Variants in ANO9 observed in about 807,000 individuals in gnomAD.
ANO9 encodes the protein anoctamin 9, also known as anoctamin-9.
A neutral mutation model predicts 100.5 loss-of-function variants in ANO9; 80 were observed. The ratio of observed to expected loss-of-function variants is 0.80; its 90% CI spans 0.66 to 0.96. The LOEUF (loss-of-function observed/expected upper bound fraction) is 0.96, where lower values mean the gene tolerates loss of function less well. Among genes scored for constraint, ANO9 ranks in the 40% least tolerant of loss-of-function variants. ANO9 has a pLI of 0.00. For synonymous variants in ANO9, 473 were observed against 435.6 expected (o/e 1.09, Z -1.07); for missense variants, 1,064 against 1,072.7 (o/e 0.99, Z 0.11).
Position 418,636 on chromosome 11 carries a change from C to T in ANO9, c.2131-47G>A, listed in dbSNP as rs751365011. 6 of 1,610,842 alleles carry T rather than the reference C, an allele frequency of 3.7e-6. No homozygotes were observed. In the Admixed American group the frequency reaches 1.0e-4, roughly 27 times the overall value. On this transcript the variant is annotated intron_variant, in intron 22 of 22. Transcript: ENST00000332826. ...CCCAGCACGGTCAGGTGCCAGCTGG[C>T]ATTTGGGGGTTCAGGGCCGGGGAGA...
intron 20 of ANO9, chr11:419,355 G>A: frequency 1.4e-6 from 2 of 1,415,834 alleles, no homozygotes; most frequent in African/African-American, 1.4e-5. Flanking sequence ...CCAGGTCTGG[G>A]AACTTCACCC....
Position 421,318 on chromosome 11 carries a change from G to C in ANO9, c.1335-120C>G, listed in dbSNP as rs1848169236. ...AACAGGCGGGGCAGGCCCTGCAGGT[G>C]AGCGGGGCACAGGTGCTCACACCCA... On this transcript the variant is annotated intron_variant, in intron 15 of 22. Coordinates refer to ENST00000332826, the MANE Select transcript of ANO9 (RefSeq NM_001012302.3). The surrounding 1 kb of genome is among the most constrained non-coding windows in gnomAD (Gnocchi z 6.8). 1 of 1,081,366 alleles carries C rather than the reference G, an allele frequency of 9.2e-7. No individual in the cohort carries two copies. Among genetic ancestry groups the C allele is most frequent in the African/African-American group, 1.6e-5 (1 of 62,612 alleles). The allele number at this position is 1,081,366 out of a possible 1,614,324, so 67.0% of individuals were successfully genotyped here.
chr11:433,779 C>G (rs1374773238), intron 3 of ANO9, 36 bp downstream of exon 3: 1 of 1,541,034 alleles, frequency 6.5e-7, no homozygotes, highest in East Asian at 2.4e-5. Context: ...CCCGCCCCGG[C>G]CCCATGGCCC....
intron 1 of ANO9, among the ~76,000 whole-genome samples, chr11:436,194 C>T (rs1041060440): frequency 6.6e-6 from 1 of 151,552 alleles, no homozygotes. Flanking sequence ...CAGCCTCCCG[C>T]GTAGCTGGGA....
rs775763071 is a variant in ANO9 at position 418,308 on chromosome 11, T to C, written c.*63A>G. 7.5e-5 allele frequency: 108 copies of C among 1,449,278 alleles called. No homozygotes were observed. The highest frequency in any genetic ancestry group is 9.9e-5 in the Non-Finnish European group (107 of 1,082,486). The allele number at this position is 1,449,278 out of a possible 1,614,324, so 89.8% of individuals were successfully genotyped here. ...CCCCTCAACACGCACAGCGGTGGGC[T>C]TGTGGGAGGTGCTGGTGGTGGCACT... On this transcript the variant is annotated 3_prime_UTR_variant, in exon 23 of 23. Coordinates refer to ENST00000332826, the MANE Select transcript of ANO9 (RefSeq NM_001012302.3).
intron 15 of ANO9, among the ~76,000 whole-genome samples, chr11:424,671 TA>T (rs142272556): frequency 2.1e-3 from 319 of 151,822 alleles, no homozygotes; most frequent in African/African-American, 7.3e-3. Flanking sequence ...GAATAACGAT[TA>T]AAAAACAAAA....
Position 432,132 on chromosome 11 carries a change from G to A in ANO9, c.351-78C>T. 1 of 1,508,070 alleles carries A rather than the reference G, an allele frequency of 6.6e-7. No individual in the cohort carries two copies. Among genetic ancestry groups the A allele is most frequent in the Non-Finnish European group, 9.1e-7 (1 of 1,099,230 alleles). The allele number at this position is 1,508,070 out of a possible 1,614,324, so 93.4% of individuals were successfully genotyped here. A position where few individuals can be genotyped will look rare whatever the true frequency, so the allele number is the denominator to read the frequency against. On this transcript the variant is annotated intron_variant, in intron 4 of 22. Transcript: ENST00000332826. The surrounding 1 kb of genome is among the most constrained non-coding windows in gnomAD (Gnocchi z 4.8). The stretch of plus-strand genomic sequence containing the variant: ...AGGTCTCAACCTGCCCTCTGGTCTG[G>A]CCAGGCCCAGGCCCCTCCCTGTCCT...
chr11:433,141 A>C, intron 4 of ANO9, 173 bp downstream of exon 4: 6 of 803,752 alleles, frequency 7.5e-6, no homozygotes, highest in Non-Finnish European at 9.3e-6. Flanking sequence ...GGGATGGGGA[A>C]GCTGAGGCTC....
chr11:420,363 C>T (rs1046054551), intron 19 of ANO9, 100 bp downstream of exon 19: 12 of 1,519,850 alleles, frequency 7.9e-6, no homozygotes, highest in East Asian at 2.5e-5. Context: ...GCCTGAGATC[C>T]GAGAGATTAT....
intron 15 of ANO9, among the ~76,000 whole-genome samples, chr11:425,070 CGGG>C (rs1848421243): frequency 4.4e-5 from 2 of 44,964 alleles, no homozygotes; most frequent in Non-Finnish European, 7.9e-5. Flanking sequence ...CGTGGAGAGA[CGGG>C]ACGCGCGGGA....
rs1410034568 is a variant in ANO9 at position 422,201 on chromosome 11, C to T, written c.1335-1003G>A. ...TGAAACTCACAAGGCATCTGTGGGG[C>T]CTAAATGAAGAAAACTATAAAACTA... On this transcript the variant is annotated intron_variant, in intron 15 of 22. Coordinates refer to ENST00000332826, the MANE Select transcript of ANO9 (RefSeq NM_001012302.3). The surrounding 1 kb of genome is among the most constrained non-coding windows in gnomAD (Gnocchi z 4.3). Among the ~76,000 whole-genome samples the T allele has an allele frequency of 1.3e-5, 2 of 152,116 alleles. No individual in the cohort carries two copies. The highest frequency in any genetic ancestry group is 4.8e-5 in the African/African-American group (2 of 41,390).
At chr11:441,257 G>T (rs1217857408) in intron 1 of ANO9, among the ~76,000 whole-genome samples, 1 of 152,180 alleles carries the variant, frequency 6.6e-6, no homozygotes, top group African/African-American at 2.4e-5. Context: ...CCAGGTGTTG[G>T]CCCTGGCCCC....
At chr11:419,215 G>T in intron 20 of ANO9, 1 of 1,429,004 alleles carries the variant, frequency 7.0e-7, no homozygotes, top group Non-Finnish European at 9.1e-7. Flanking sequence ...CCCTGCCAGA[G>T]ACTGGCCCTG....
Position 432,571 on chromosome 11 carries a change from T to TCCCA in ANO9, c.351-518_351-517insTGGG. 1.2e-5 allele frequency: 2 copies of TCCCA among 161,632 alleles called. No homozygotes were observed. Among genetic ancestry groups the TCCCA allele is most frequent in the Non-Finnish European group, 2.7e-5 (2 of 73,780 alleles). The allele number at this position is 161,632 out of a possible 1,614,324, so 10.0% of individuals were successfully genotyped here. On this transcript the variant is annotated intron_variant, in intron 4 of 22. Coordinates refer to ENST00000332826, the MANE Select transcript of ANO9 (RefSeq NM_001012302.3). The surrounding 1 kb of genome is among the most constrained non-coding windows in gnomAD (Gnocchi z 4.8). ...CAGCCTCCCCCTGTGCCTACAGACA[T>TCCCA]GGCTCCTGGACACCCCAGGGCACGT...
In ANO9 at chr11:428,396, T is replaced by G. The variant is rs202247563; in HGVS notation, c.1186-2A>C. 2 of 1,612,580 alleles carry G rather than the reference T, an allele frequency of 1.2e-6. No homozygotes were observed. Among genetic ancestry groups the G allele is most frequent in the Non-Finnish European group, 1.7e-6 (2 of 1,179,950 alleles). On this transcript the variant is annotated splice_acceptor_variant, in intron 13 of 22. Transcript: ENST00000332826. LOFTEE classifies it high-confidence loss of function. ...CTTCAGGGCCACGCACCTGTTGATCTGCGGAGGAGGGCACCGAATGGGCTC... is the reference window on the plus strand; with the variant it reads ...CTTCAGGGCCACGCACCTGTTGATCGGCGGAGGAGGGCACCGAATGGGCTC...
rs189084474 is a variant in ANO9 at position 422,912 on chromosome 11, C to T, written c.1335-1714G>A. Among the ~76,000 whole-genome samples the T allele has an allele frequency of 1.4e-4, 21 of 151,986 alleles. No individual in the cohort carries two copies. Among genetic ancestry groups the T allele is most frequent in the African/African-American group, 4.6e-4 (19 of 41,414 alleles). On this transcript the variant is annotated intron_variant, in intron 15 of 22. Transcript: ENST00000332826. This position sits in a 1 kb window ranked among gnomAD's most constrained non-coding sequence, Gnocchi z 4.3. ...TGGCATGATCTTGGCTCACTACAAC[C>T]TCCACCTTCCGGGTTTAAGTGATTC...
chr11:437,059 T>TGCGTG (rs1564936314), intron 1 of ANO9, among the ~76,000 whole-genome samples: 2 of 64,452 alleles, frequency 3.1e-5, no homozygotes, highest in Non-Finnish European at 2.8e-5. Flanking sequence ...GGGGGTGAGC[T>TGCGTG]GGGGGTGAAT....
rs1277748276 is a variant in ANO9 at position 433,930 on chromosome 11, G to A, written c.89C>T (p.Ala30Val). ...LMEISTCETE[A>V]SEQWDYVLVA... ...GAGGACATAGTCCCACTGCTCGGAG[G>A]CCTCGGTCTGCAGGGAGGAGGCATG... Residue 30 changes from alanine to valine, a missense_variant, in exon 3 of 23, where the codon GCC (alanine) becomes GTC (valine). Ala to Val is a moderately conservative substitution (Grantham distance 64, BLOSUM62 0). Coordinates refer to ENST00000332826, the MANE Select transcript of ANO9 (RefSeq NM_001012302.3). The A allele has an allele frequency of 3.8e-6, 6 of 1,561,092 alleles. No homozygotes were observed. The highest frequency in any genetic ancestry group is 5.2e-6 in the Non-Finnish European group (6 of 1,152,574).
In ANO9 at chr11:431,833, C is replaced by G. The variant is rs555469018; in HGVS notation, c.465+15G>C. 6.2e-7 allele frequency: 1 copy of G among 1,611,030 alleles called. No homozygotes were observed. Among genetic ancestry groups the G allele is most frequent in the African/African-American group, 1.3e-5 (1 of 74,678 alleles). On this transcript the variant is annotated intron_variant, in intron 6 of 22. Coordinates refer to ENST00000332826, the MANE Select transcript of ANO9 (RefSeq NM_001012302.3). ...TCCCACCCCAGGGCCCTCTCCAGGC[C>G]AGCCCACCCCTCACCTTGTGCAGGG...
Sources: allele counts gnomAD v4.1 joint callset (sites outside exome capture counted in the v4.1 genomes callset), GRCh38; gene constraint gnomAD v4.1.1; non-coding constraint Gnocchi (gnomAD v3.1); transcripts MANE v1.5; gene names NCBI Gene and HGNC (gene_info 2026-07-23, HGNC 2026-07-21).